Variants in UTRN observed in about 807,000 individuals in gnomAD.
The protein encoded by UTRN is utrophin, also known as dystrophin-related protein 1.
In UTRN, 283 loss-of-function variants were observed where a neutral mutation model predicts 463.9. The ratio of observed to expected loss-of-function variants is 0.61; its 90% confidence interval spans 0.55 to 0.67. UTRN has a LOEUF of 0.67. Among genes scored for constraint, UTRN ranks in the 30% least tolerant of loss-of-function variants. The pLI is 0.00. For missense variants in UTRN, 3,922 were observed against 4,084.3 expected (o/e 0.96, Z 1.08); for synonymous variants, 1,442 against 1,431.5 (o/e 1.01, Z -0.17).
intron 65 of UTRN, among the ~76,000 whole-genome samples, chr6:144,805,251 C>T (rs1471435712): frequency 6.6e-6 from 1 of 152,036 alleles, no homozygotes; most frequent in East Asian, 1.9e-4. Flanking sequence ...TGTGGACTTC[C>T]TGCTACTCTC....
intron 64 of UTRN, among the ~76,000 whole-genome samples, chr6:144,799,625 A>G (rs184163345): frequency 1.5e-4 from 23 of 152,348 alleles, no homozygotes. Context: ...GTAGTCATCA[A>G]AGCTAATAAT....
chr6:144,756,400 T>C (rs1428127725), intron 57 of UTRN, among the ~76,000 whole-genome samples: 1 of 152,162 alleles, frequency 6.6e-6, no homozygotes, highest in East Asian at 1.9e-4. Context: ...TTTGTAAAAG[T>C]CAAATACATG....
At chr6:144,490,258 A>C in intron 31 of UTRN, 59 bp downstream of exon 31, 1 of 1,562,114 alleles carries the variant, frequency 6.4e-7, no homozygotes. Flanking sequence ...TTCTTCAAAA[A>C]AGAGAAAGAA....
At chr6:144,359,713 A>G (rs1467451951) in intron 2 of UTRN, among the ~76,000 whole-genome samples, 2 of 147,932 alleles carry the variant, frequency 1.4e-5, no homozygotes, top group Non-Finnish European at 1.5e-5. Flanking sequence ...ACCTTTGTCT[A>G]CGCATCGTTT....
At chr6:144,601,331 C>T (rs1804225699) in intron 51 of UTRN, among the ~76,000 whole-genome samples, 1 of 152,192 alleles carries the variant, frequency 6.6e-6, no homozygotes, top group Non-Finnish European at 1.5e-5. Context: ...ATTCACTGCT[C>T]TAGATGCTAT....
At chr6:144,568,358 ATTTC>A (rs987269761) in intron 50 of UTRN, among the ~76,000 whole-genome samples, 8 of 152,146 alleles carry the variant, frequency 5.3e-5, no homozygotes, top group Admixed American at 4.6e-4. Context: ...TTAGAAAAAA[ATTTC>A]TTTGCCTTTG....
At position 144,454,561 on chromosome 6, in the gene UTRN, C is replaced by T. The variant is rs1003267807; in HGVS notation, c.2284+692C>T. On this transcript the variant is annotated intron_variant, in intron 19 of 74. Transcript: ENST00000367545. ...AGGCTGCTGTAGCTCTCCTTGACAC[C>T]TGTACAGATACCTATACAGAATTAG... 3.9e-5 allele frequency among the ~76,000 whole-genome samples: 6 copies of T among 152,226 alleles called. No homozygotes were observed. In the East Asian group the frequency reaches 1.2e-3, roughly 29 times the overall value.
In UTRN at chr6:144,781,911, C is replaced by T. The variant is rs745992089; in HGVS notation, c.8633-11C>T. ...AATGACTGTAAACATTCCTTCTTCT[C>T]TCCTGGTTAGTGGATCTCTTAGAGT... On this transcript the variant is annotated splice_polypyrimidine_tract_variant and intron_variant, in intron 60 of 74. Transcript: ENST00000367545. 1.6e-5 allele frequency: 25 copies of T among 1,609,708 alleles called. No individual in the cohort carries two copies. The highest frequency in any genetic ancestry group is 2.1e-5 in the Non-Finnish European group (25 of 1,176,744).
At chr6:144,651,537 G>A (rs184419638) in intron 51 of UTRN, among the ~76,000 whole-genome samples, 2 of 152,200 alleles carry the variant, frequency 1.3e-5, no homozygotes, top group African/African-American at 4.8e-5. Context: ...ATACTATAGG[G>A]CCAGGATGAA....
At chr6:144,580,102 G>A (rs985688089) in intron 51 of UTRN, among the ~76,000 whole-genome samples, 1 of 152,154 alleles carries the variant, frequency 6.6e-6, no homozygotes, top group Non-Finnish European at 1.5e-5. Flanking sequence ...CCTTTTGTAT[G>A]AGTAAACAGA....
Position 144,485,430 on chromosome 6 carries a change from G to C in UTRN, c.3733G>C (p.Glu1245Gln). The C allele has an allele frequency of 4.3e-6, 7 of 1,614,098 alleles. No individual in the cohort carries two copies. The highest frequency in any genetic ancestry group is 5.9e-6 in the Non-Finnish European group (7 of 1,179,988). ...TGAACTGCTTCACTATTTGGATCTT[G>C]AAACTACCTGGTTAAACACTTTGGA... ...WIELLHYLDL[E>Q]TTWLNTLEER... Residue 1245 changes from glutamate to glutamine, a missense_variant, in exon 28 of 75, where the codon GAA (glutamate) becomes CAA (glutamine). Around this residue, in one of 3 missense-constraint regions of UTRN, gnomAD observed 2,349 missense variants for 2,303.8 expected, o/e 1.02. Coordinates refer to ENST00000367545, the MANE Select transcript of UTRN (RefSeq NM_007124.3).
chr6:144,748,584 G>A (rs1791014158), intron 55 of UTRN, 70 bp downstream of exon 55: 1 of 1,540,708 alleles, frequency 6.5e-7, no homozygotes. Flanking sequence ...AATAAAGAGA[G>A]CCACGTATAT....
intron 64 of UTRN, chr6:144,799,240 T>A: frequency 3.0e-6 from 1 of 337,598 alleles, no homozygotes; most frequent in Middle Eastern, 7.7e-4. Context: ...GCATTCTCTG[T>A]GGATGGCTAA....
intron 61 of UTRN, among the ~76,000 whole-genome samples, chr6:144,788,564 TA>T (rs1315141506): frequency 1.1e-3 from 168 of 148,736 alleles, no homozygotes; most frequent in Non-Finnish European, 2.1e-3. Context: ...TAATTCATAG[TA>T]TTTTTTTTTT....
intron 35 of UTRN, 40 bp downstream of exon 35, chr6:144,511,163 C>G: frequency 7.0e-7 from 1 of 1,424,488 alleles, no homozygotes; most frequent in Non-Finnish European, 9.3e-7. Context: ...ATCTTCTCCT[C>G]TCTTCTAGTT....
At chr6:144,409,634 G>A (rs1783708766) in intron 3 of UTRN, among the ~76,000 whole-genome samples, 1 of 152,060 alleles carries the variant, frequency 6.6e-6, no homozygotes, top group Non-Finnish European at 1.5e-5. Context: ...TGAGGGGAGA[G>A]AATCTCTACC....
intron 41 of UTRN, among the ~76,000 whole-genome samples, chr6:144,524,718 G>A (rs1274178093): frequency 1.3e-5 from 2 of 151,972 alleles, no homozygotes; most frequent in African/African-American, 2.4e-5. Flanking sequence ...TAGGACTTCC[G>A]GTACTATGTT....
At chr6:144,288,944 AG>A (rs1432638258) in intron 1 of UTRN, among the ~76,000 whole-genome samples, 5 of 152,036 alleles carry the variant, frequency 3.3e-5, no homozygotes, top group African/African-American at 1.2e-4. Context: ...TTATATTTTT[AG>A]TAGAGACAGG....
intron 19 of UTRN, among the ~76,000 whole-genome samples, chr6:144,457,908 A>C (rs141726384): frequency 6.6e-6 from 1 of 152,140 alleles, no homozygotes; most frequent in African/African-American, 2.4e-5. Context: ...TTTGGTATGC[A>C]TGTTTTCCTC....
Sources: gnomAD v4.1 joint callset for allele counts (sites outside exome capture counted in the v4.1 genomes callset) on GRCh38, gnomAD v4.1.1 for gene constraint, gnomAD v4.1.1 regional missense constraint, MANE v1.5 for transcripts, NCBI Gene and HGNC (gene_info 2026-07-23, HGNC 2026-07-21) for gene names.